JAZF1: variants seen among roughly 807,000 people sequenced by gnomAD.
JAZF1 encodes the protein juxtaposed with another zinc finger protein 1.
In JAZF1, 8 loss-of-function variants were observed where a neutral mutation model predicts 26.4. That is an observed-to-expected ratio of 0.30 (90% CI 0.18 to 0.55). JAZF1 has a LOEUF of 0.55. Ranked by LOEUF, JAZF1 falls within the 20% of genes least tolerant of loss-of-function variation. The probability of loss-of-function intolerance (pLI) is 0.94; values close to 1 mark genes in which losing one functional copy is unlikely to be tolerated. For synonymous variants in JAZF1, 126 were observed against 122.3 expected (o/e 1.03, Z -0.20); for missense variants, 199 against 322.0 (o/e 0.62, Z 2.92).
At chr7:28,030,616 T>C (rs1347712754) in intron 1 of JAZF1, among the ~76,000 whole-genome samples, 1 of 152,208 alleles carries the variant, frequency 6.6e-6, no homozygotes, top group East Asian at 1.9e-4. Flanking sequence ...ATTTGTCAGA[T>C]TGAGACTTGT....
chr7:28,167,322 T>C (rs939090899), intron 1 of JAZF1, among the ~76,000 whole-genome samples: 2 of 152,188 alleles, frequency 1.3e-5, no homozygotes, highest in Non-Finnish European at 2.9e-5. Flanking sequence ...ATTCACCAGC[T>C]AGCACACTGA....
chr7:27,876,434 C>T (rs144723261), intron 3 of JAZF1, among the ~76,000 whole-genome samples: 72 of 152,228 alleles, frequency 4.7e-4, no homozygotes, highest in African/African-American at 1.7e-3. Context: ...TCCCTTTCTG[C>T]CCTTCTCCCT....
intron 1 of JAZF1, among the ~76,000 whole-genome samples, chr7:28,165,378 C>T (rs769907874): frequency 2.6e-5 from 4 of 152,104 alleles, no homozygotes; most frequent in Admixed American, 1.3e-4. Flanking sequence ...CCAGTTAGGG[C>T]TTCTCAGGTC....
chr7:27,928,239 T>C (rs979170079), intron 2 of JAZF1, among the ~76,000 whole-genome samples: 20 of 152,242 alleles, frequency 1.3e-4, no homozygotes, highest in African/African-American at 4.8e-4. Flanking sequence ...TTTGAAACTG[T>C]TGAACAATGA....
chr7:27,905,318 C>G (rs956033268), intron 2 of JAZF1, among the ~76,000 whole-genome samples: 1 of 115,242 alleles, frequency 8.7e-6, no homozygotes, highest in Non-Finnish European at 1.9e-5. Context: ...GGATATAGTT[C>G]CCGGTCTTTG....
chr7:28,081,047 T>TA (rs1434272601), intron 1 of JAZF1, among the ~76,000 whole-genome samples: 2 of 151,626 alleles, frequency 1.3e-5, no homozygotes, highest in East Asian at 3.9e-4. Flanking sequence ...AGTAAGCTGG[T>TA]AAATTAGAGG....
At chr7:28,090,817 G>GTTTT (rs11367530) in intron 1 of JAZF1, among the ~76,000 whole-genome samples, 615 of 101,800 alleles carry the variant, frequency 6.0e-3, no homozygotes, top group Non-Finnish European at 7.0e-3. Context: ...TTTTTTAGTT[G>GTTTT]TTTTTTTTTT....
intron 2 of JAZF1, among the ~76,000 whole-genome samples, chr7:27,929,786 T>C (rs1255581389): frequency 6.6e-6 from 1 of 152,106 alleles, no homozygotes; most frequent in Non-Finnish European, 1.5e-5. Flanking sequence ...CCTAAGACAG[T>C]ATAATAGCAA....
chr7:28,016,552 A>G (rs1332806003), intron 1 of JAZF1, among the ~76,000 whole-genome samples: 1 of 152,200 alleles, frequency 6.6e-6, no homozygotes, highest in Admixed American at 6.5e-5. Flanking sequence ...GGATGAAGGG[A>G]CAGGGGCCAA....
chr7:28,166,073 A>G (rs73091221), intron 1 of JAZF1, among the ~76,000 whole-genome samples: 1 of 152,264 alleles, frequency 6.6e-6, no homozygotes, highest in Non-Finnish European at 1.5e-5. Flanking sequence ...AGAACCCATG[A>G]GAAGGGAGAA....
At chr7:27,962,714 C>T (rs1785205788) in intron 2 of JAZF1, among the ~76,000 whole-genome samples, 1 of 152,186 alleles carries the variant, frequency 6.6e-6, no homozygotes, top group Non-Finnish European at 1.5e-5. Context: ...AAGGGCTTCC[C>T]TATCTGCTGC....
Position 28,061,104 on chromosome 7 carries a change from C to T in JAZF1, c.116-69123G>A, listed in dbSNP as rs116894487. On this transcript the variant is annotated intron_variant, in intron 1 of 4. Transcript: ENST00000283928. The stretch of plus-strand genomic sequence containing the variant: ...AATATTCCTACTTCTAAAATGGGAA[C>T]AAGAATAGTACTTGCCTCATACATG... Among the ~76,000 whole-genome samples, 793 of 152,330 alleles carry T rather than the reference C, an allele frequency of 5.2e-3. 4 individuals carry two copies. The highest frequency in any genetic ancestry group is 0.014 in the Middle Eastern group (4 of 294).
intron 1 of JAZF1, among the ~76,000 whole-genome samples, chr7:28,165,839 T>C (rs887311972): frequency 6.6e-6 from 1 of 152,218 alleles, no homozygotes; most frequent in Non-Finnish European, 1.5e-5. Context: ...AATTAGCTCA[T>C]GTATTGTGTT....
intron 1 of JAZF1, among the ~76,000 whole-genome samples, chr7:27,998,267 T>C (rs38519): frequency 0.61 from 92,037 of 152,052 alleles, 29,698 homozygotes; most frequent in African/African-American, 0.78. Context: ...CATTTCATTG[T>C]TACTATCCAG....
intron 1 of JAZF1, among the ~76,000 whole-genome samples, chr7:28,051,551 T>C (rs1026413537): frequency 6.6e-5 from 10 of 152,088 alleles, no homozygotes; most frequent in South Asian, 2.1e-4. Flanking sequence ...AGCTCTAATC[T>C]AGTAAAGTTC....
At chr7:27,859,070 T>C (rs1237054227) in intron 3 of JAZF1, among the ~76,000 whole-genome samples, 3 of 152,158 alleles carry the variant, frequency 2.0e-5, no homozygotes, top group Non-Finnish European at 2.9e-5. Context: ...GCAAAGGATA[T>C]GAACACACTT....
intron 1 of JAZF1, among the ~76,000 whole-genome samples, chr7:28,175,121 T>C (rs1783529616): frequency 6.6e-6 from 1 of 152,226 alleles, no homozygotes; most frequent in Admixed American, 6.5e-5. Context: ...AAAGGCCATG[T>C]TGGAAGCCGC....
intron 3 of JAZF1, among the ~76,000 whole-genome samples, chr7:27,863,383 C>T (rs1783415418): frequency 6.6e-6 from 1 of 152,122 alleles, no homozygotes; most frequent in Non-Finnish European, 1.5e-5. Context: ...TCTCCTTGGA[C>T]TTTCTTCTTC....
At chr7:27,948,310 G>A (rs1173791936) in intron 2 of JAZF1, among the ~76,000 whole-genome samples, 2 of 152,144 alleles carry the variant, frequency 1.3e-5, no homozygotes, top group African/African-American at 2.4e-5. Flanking sequence ...TGCAAACACA[G>A]CCAAATAAAA....
Sources: allele counts gnomAD v4.1 joint callset (sites outside exome capture counted in the v4.1 genomes callset), GRCh38; gene constraint gnomAD v4.1.1; transcripts MANE v1.5; gene names NCBI Gene and HGNC (gene_info 2026-07-23, HGNC 2026-07-21).